The following VAV3 variants were observed in gnomAD, a reference collection of about 807,000 sequenced individuals.
VAV3 encodes the protein vav guanine nucleotide exchange factor 3, also known as guanine nucleotide exchange factor VAV3.
A neutral mutation model predicts 131.2 loss-of-function variants in VAV3; 94 were observed. The observed-to-expected ratio is 0.72, with a 90% CI of 0.61 to 0.85. VAV3 has a LOEUF of 0.85. Among genes scored for constraint, VAV3 ranks in the 40% least tolerant of loss-of-function variants. The pLI is 0.00. For synonymous variants in VAV3, 349 were observed against 342.0 expected (o/e 1.02, Z -0.22); for missense variants, 939 against 1,002.7 (o/e 0.94, Z 0.86).
intron 2 of VAV3, among the ~76,000 whole-genome samples, chr1:107,820,182 C>T (rs542127426): frequency 6.6e-6 from 1 of 152,280 alleles, no homozygotes; most frequent in Non-Finnish European, 1.5e-5. Context: ...GTACTGTTCA[C>T]AGTATCTATG....
intron 17 of VAV3, among the ~76,000 whole-genome samples, chr1:107,691,549 A>G (rs576411562): frequency 6.0e-4 from 91 of 152,238 alleles, no homozygotes; most frequent in African/African-American, 2.0e-3. Context: ...CTCTTTCTGT[A>G]TCTCTCTTTT....
intron 22 of VAV3, among the ~76,000 whole-genome samples, chr1:107,606,803 CTTTTTTT>C (rs34849497): frequency 1.0e-4 from 6 of 58,012 alleles, no homozygotes; most frequent in African/African-American, 2.8e-4. Context: ...ATGGTTTCTT[CTTTTTTT>C]TTTTTTTTTT....
chr1:107,842,304 TA>T (rs1274433134), intron 2 of VAV3, among the ~76,000 whole-genome samples: 4 of 152,294 alleles, frequency 2.6e-5, no homozygotes, highest in Admixed American at 2.6e-4. Context: ...GATGAATAGC[TA>T]AAAATAAAAA....
chr1:107,586,937 T>C (rs544850670), intron 25 of VAV3, among the ~76,000 whole-genome samples: 1 of 152,008 alleles, frequency 6.6e-6, no homozygotes, highest in African/African-American at 2.4e-5. Context: ...AATAGGGTGT[T>C]TTGTGTGGTA....
chr1:107,647,736 A>C (rs966656115), intron 19 of VAV3, among the ~76,000 whole-genome samples: 5 of 152,068 alleles, frequency 3.3e-5, no homozygotes, highest in African/African-American at 1.2e-4. Flanking sequence ...GCAAAACACC[A>C]TGACCAACAC....
chr1:107,725,057 A>G (rs1414483410), intron 15 of VAV3, among the ~76,000 whole-genome samples: 1 of 152,216 alleles, frequency 6.6e-6, no homozygotes, highest in Non-Finnish European at 1.5e-5. Flanking sequence ...CAATCTAGGT[A>G]GAAGACCCTG....
At chr1:107,621,006 T>G (rs1653550308) in intron 20 of VAV3, among the ~76,000 whole-genome samples, 1 of 152,052 alleles carries the variant, frequency 6.6e-6, no homozygotes, top group African/African-American at 2.4e-5. Context: ...AAATGGGTAG[T>G]GACTAATAAC....
Position 107,777,259 on chromosome 1 carries a change from T to C in VAV3, c.418A>G (p.Ile140Val), listed in dbSNP as rs371302195. Residue 140 changes from isoleucine (I) to valine (V), a missense_variant, in exon 4 of 27, where the codon ATC becomes GTC. Transcript: ENST00000370056. ...ATTAAATCAGGAAGGCCTTTGTAGA[T>C]GTCTTCATCATTAATGCTTTCTTCT... ...PTEESINDED[I>V]YKGLPDLIDE... 8.1e-6 allele frequency: 13 copies of C among 1,614,000 alleles called. No individual in the cohort carries two copies. The highest frequency in any genetic ancestry group is 9.3e-6 in the Non-Finnish European group (11 of 1,180,012).
intron 1 of VAV3, among the ~76,000 whole-genome samples, chr1:107,901,902 G>A (rs973750986): frequency 6.6e-6 from 1 of 152,012 alleles, no homozygotes; most frequent in East Asian, 1.9e-4. Context: ...AATTAGCCAC[G>A]CATGGTGGCA....
intron 20 of VAV3, among the ~76,000 whole-genome samples, chr1:107,638,216 A>T (rs1475893949): frequency 1.3e-5 from 2 of 152,200 alleles, no homozygotes; most frequent in African/African-American, 2.4e-5. Flanking sequence ...CATTGCTACA[A>T]GTCAAGAAAA....
chr1:107,809,492 A>G (rs2102326462), intron 2 of VAV3, among the ~76,000 whole-genome samples: 1 of 152,344 alleles, frequency 6.6e-6, no homozygotes, highest in South Asian at 2.1e-4. Context: ...CTTATAGCCA[A>G]GTCAAATTGC....
Position 107,951,070 on chromosome 1 carries a change from G to A in VAV3, c.204+13596C>T, listed in dbSNP as rs145311027. ...TTTCCTGACAAATGCAAATGGTATG[G>A]CCAAATTTCCAGTACTAATGTTATT... On this transcript the variant is annotated intron_variant, in intron 1 of 26. Transcript: ENST00000370056. 1.7e-3 allele frequency among the ~76,000 whole-genome samples: 252 copies of A among 152,204 alleles called. 1 individual carries two copies. The highest frequency in any genetic ancestry group is 3.1e-3 in the Non-Finnish European group (211 of 68,008).
chr1:107,599,612 A>T (rs2101088760), intron 24 of VAV3, among the ~76,000 whole-genome samples: 1 of 152,252 alleles, frequency 6.6e-6, no homozygotes, highest in South Asian at 2.1e-4. Context: ...TTAGGATTTG[A>T]ATTTAATGAC....
intron 15 of VAV3, among the ~76,000 whole-genome samples, chr1:107,729,758 T>G (rs1662106280): frequency 6.6e-6 from 1 of 152,186 alleles, no homozygotes; most frequent in African/African-American, 2.4e-5. Context: ...AAAATATGAA[T>G]TATCTCATTG....
intron 19 of VAV3, among the ~76,000 whole-genome samples, chr1:107,663,136 G>C (rs1212343824): frequency 6.6e-6 from 1 of 152,158 alleles, no homozygotes; most frequent in Non-Finnish European, 1.5e-5. Context: ...AGTTCATCTG[G>C]TTAGTCAGGA....
Position 107,965,025 on chromosome 1 carries a change from C to A in VAV3, c.-156G>T. On this transcript the variant is annotated 5_prime_UTR_variant, in exon 1 of 27. Coordinates refer to ENST00000370056, the MANE Select transcript of VAV3 (RefSeq NM_006113.5). ...GGAGCAGGAGCCGCGGCTGACGGGT[C>A]GCGGGCGCCGCGCTAGGCTCGGCTC... The A allele has an allele frequency of 2.2e-6, 1 of 448,506 alleles. No individual in the cohort carries two copies. The highest frequency in any genetic ancestry group is 9.8e-5 in the South Asian group (1 of 10,186). 27.8% of individuals were successfully genotyped at this position (448,506 alleles called of 1,614,324 possible). A position where few individuals can be genotyped will look rare whatever the true frequency, so the allele number is the denominator to read the frequency against.
At chr1:107,785,584 A>G in intron 2 of VAV3, 1 of 1,184,132 alleles carries the variant, frequency 8.4e-7, no homozygotes, top group Non-Finnish European at 1.1e-6. Context: ...GCTATCTAGC[A>G]GCAGAGGCTC....
At chr1:107,630,967 A>C (rs1280926532) in intron 20 of VAV3, among the ~76,000 whole-genome samples, 1 of 152,206 alleles carries the variant, frequency 6.6e-6, no homozygotes, top group Non-Finnish European at 1.5e-5. Context: ...TCTATGAAAC[A>C]AAAGCTAATT....
At chr1:107,773,507 T>A (rs141882107) in intron 4 of VAV3, among the ~76,000 whole-genome samples, 5 of 152,228 alleles carry the variant, frequency 3.3e-5, no homozygotes, top group African/African-American at 1.2e-4. Context: ...CAGTCCCCCA[T>A]CAACCAGACC....
Sources: allele counts gnomAD v4.1 joint callset (sites outside exome capture counted in the v4.1 genomes callset), GRCh38; gene constraint gnomAD v4.1.1; transcripts MANE v1.5; gene names NCBI Gene and HGNC (gene_info 2026-07-23, HGNC 2026-07-21).